NELL1: variants seen among roughly 807,000 people sequenced by gnomAD.
The protein encoded by NELL1 is neural EGFL like 1.
NELL1 carries 76 observed loss-of-function variants against 107.4 expected under a neutral mutation model. The observed-to-expected ratio is 0.71, with a 90% CI of 0.59 to 0.86. NELL1 has a LOEUF of 0.86. NELL1 is among the 40% of genes least tolerant of loss of function. NELL1 has a pLI of 0.00. For missense variants in NELL1, 1,024 were observed against 1,005.5 expected (o/e 1.02, Z -0.25); for synonymous variants, 353 against 341.2 (o/e 1.03, Z -0.38).
chr11:20,971,580 G>T (rs1385701824), intron 12 of NELL1, among the ~76,000 whole-genome samples: 3 of 152,118 alleles, frequency 2.0e-5, no homozygotes, highest in African/African-American at 7.2e-5. Context: ...ACTGCCTGCC[G>T]TGACTCAGCT....
intron 2 of NELL1, among the ~76,000 whole-genome samples, 173 bp from the exon 3 acceptor site, chr11:20,783,507 G>A (rs1856891486): frequency 6.6e-6 from 1 of 152,164 alleles, no homozygotes; most frequent in Admixed American, 6.5e-5. Context: ...ATTGACAGAA[G>A]AGGAAAATGA....
At chr11:21,144,269 GGACAAGCTCCT>G (rs1197207244) in intron 13 of NELL1, among the ~76,000 whole-genome samples, 1 of 152,118 alleles carries the variant, frequency 6.6e-6, no homozygotes, top group Non-Finnish European at 1.5e-5. Flanking sequence ...GAACACCTTA[GGACAAGCTCCT>G]GCTGAGTGGA....
chr11:21,278,054 AAAAAG>A (rs765825814), intron 14 of NELL1, among the ~76,000 whole-genome samples: 4 of 152,128 alleles, frequency 2.6e-5, no homozygotes, highest in African/African-American at 4.8e-5. Flanking sequence ...ATAATAAAAA[AAAAAG>A]AAAGAAAAAG....
At chr11:21,479,240 A>G (rs4520597) in intron 15 of NELL1, among the ~76,000 whole-genome samples, 48,965 of 152,038 alleles carry the variant, frequency 0.32, 9,159 homozygotes, top group Middle Eastern at 0.43. Context: ...CTACACTCCT[A>G]TGTTTATTGT....
At chr11:21,341,045 C>T (rs557366721) in intron 14 of NELL1, among the ~76,000 whole-genome samples, 10 of 152,272 alleles carry the variant, frequency 6.6e-5, no homozygotes, top group African/African-American at 2.4e-4. Flanking sequence ...GTCCTCAGCT[C>T]TGTTTCCCTG....
At chr11:20,988,917 A>G (rs916381002) in intron 12 of NELL1, among the ~76,000 whole-genome samples, 3 of 151,978 alleles carry the variant, frequency 2.0e-5, no homozygotes, top group Non-Finnish European at 4.4e-5. Flanking sequence ...CCTTGGTACC[A>G]AAGACAGCTT....
At position 20,851,631 on chromosome 11, in the gene NELL1, TC is replaced by T. The variant is rs1848797597; in HGVS notation, c.506+3881del. Among the ~76,000 whole-genome samples, 3 of 152,296 alleles carry T rather than the reference TC, an allele frequency of 2.0e-5. No homozygotes were observed. The South Asian group carries it at 6.2e-4, about 32-fold the overall frequency. ...TGGGATTCAGTGCATAAGCAACCTTTCCCTTTCACAACAAAATGAATTTTAT... is the reference window on the plus strand; with the variant it reads ...TGGGATTCAGTGCATAAGCAACCTTTCCTTTCACAACAAAATGAATTTTAT... On this transcript the variant is annotated intron_variant, in intron 4 of 19. Transcript: ENST00000357134.
At chr11:21,067,679 A>G (rs1188130434) in intron 12 of NELL1, among the ~76,000 whole-genome samples, 1 of 152,180 alleles carries the variant, frequency 6.6e-6, no homozygotes, top group Non-Finnish European at 1.5e-5. Flanking sequence ...TACCATGAAT[A>G]AGATATATTT....
At chr11:20,810,110 C>CTT (rs891894721) in intron 3 of NELL1, among the ~76,000 whole-genome samples, 2 of 148,340 alleles carry the variant, frequency 1.3e-5, no homozygotes, top group African/African-American at 4.9e-5. Context: ...ATGTCAAGCT[C>CTT]TTTTTTTTTT....
At chr11:21,026,290 T>C (rs573871722) in intron 12 of NELL1, among the ~76,000 whole-genome samples, 2 of 152,286 alleles carry the variant, frequency 1.3e-5, no homozygotes, top group African/African-American at 4.8e-5. Flanking sequence ...TGTCTCCTCC[T>C]GATTCTCCCC....
At chr11:21,228,586 T>C (rs1443625139) in intron 13 of NELL1, among the ~76,000 whole-genome samples, 1 of 152,074 alleles carries the variant, frequency 6.6e-6, no homozygotes, top group African/African-American at 2.4e-5. Flanking sequence ...TCTCCTTTGC[T>C]AGGCTATATT....
At chr11:20,900,625 G>T (rs1477284480) in intron 5 of NELL1, among the ~76,000 whole-genome samples, 1 of 152,060 alleles carries the variant, frequency 6.6e-6, no homozygotes, top group Non-Finnish European at 1.5e-5. Context: ...ATGAGCATAG[G>T]TCACCTTGAT....
At chr11:20,942,510 A>C (rs572537604) in intron 10 of NELL1, among the ~76,000 whole-genome samples, 2 of 152,304 alleles carry the variant, frequency 1.3e-5, no homozygotes, top group South Asian at 4.1e-4. Flanking sequence ...TGGGGTGGTC[A>C]ATAACCTATA....
chr11:21,466,021 C>T (rs1854021279), intron 15 of NELL1, among the ~76,000 whole-genome samples: 2 of 152,084 alleles, frequency 1.3e-5, no homozygotes. Context: ...ATGCAAAGCG[C>T]TCTTAGAATC....
intron 15 of NELL1, among the ~76,000 whole-genome samples, chr11:21,437,035 G>A (rs1428561591): frequency 6.6e-6 from 1 of 152,004 alleles, no homozygotes; most frequent in Non-Finnish European, 1.5e-5. Flanking sequence ...CCTAATATAT[G>A]GTCTATCATG....
intron 14 of NELL1, among the ~76,000 whole-genome samples, chr11:21,346,918 C>T (rs894556677): frequency 7.2e-5 from 11 of 152,084 alleles, no homozygotes; most frequent in African/African-American, 1.9e-4. Flanking sequence ...CTTATTATAA[C>T]GTGGCATACA....
chr11:20,993,037 C>T (rs1200543337), intron 12 of NELL1, among the ~76,000 whole-genome samples: 1 of 152,138 alleles, frequency 6.6e-6, no homozygotes, highest in East Asian at 1.9e-4. Flanking sequence ...TTGTGGCAAT[C>T]ATTGCCTTGT....
chr11:21,045,146 C>T lies in NELL1; in HGVS notation c.1301-68443C>T, dbSNP rs189702579. ...AATAGTGAGAAAGTAAATAGATTAA[C>T]GGATTGGTATCCTCTATGAGTGAGA... On this transcript the variant is annotated intron_variant, in intron 12 of 19. Transcript: ENST00000357134. Among the ~76,000 whole-genome samples the T allele has an allele frequency of 3.0e-4, 45 of 152,206 alleles. No homozygotes were observed. In the East Asian group the frequency reaches 4.4e-3, roughly 15 times the overall value.
At chr11:21,044,059 T>C (rs985587214) in intron 12 of NELL1, among the ~76,000 whole-genome samples, 5 of 152,122 alleles carry the variant, frequency 3.3e-5, no homozygotes, top group African/African-American at 1.2e-4. Context: ...ACCATAAAAA[T>C]GCTTGAGATT....
Sources: gnomAD v4.1 joint callset for allele counts (sites outside exome capture counted in the v4.1 genomes callset) on GRCh38, gnomAD v4.1.1 for gene constraint, MANE v1.5 for transcripts, NCBI Gene and HGNC (gene_info 2026-07-23, HGNC 2026-07-21) for gene names.